Variants in RAD51AP2 observed in about 807,000 individuals in gnomAD.
The protein encoded by RAD51AP2 is RAD51-associated protein 2.
Under a neutral mutation model 85.5 loss-of-function variants are expected in RAD51AP2, and 67 were observed. That is an observed-to-expected ratio of 0.78 (90% CI 0.64 to 0.96). The LOEUF (loss-of-function observed/expected upper bound fraction) is 0.96, where lower values mean the gene tolerates loss of function less well. Among genes scored for constraint, RAD51AP2 ranks in the 40% least tolerant of loss-of-function variants. The pLI is 0.00. For synonymous variants in RAD51AP2, 474 were observed against 446.5 expected, an observed-to-expected ratio of 1.06 and a Z score of -0.78; for missense variants, 1,307 against 1,332.4, an observed-to-expected ratio of 0.98 and a Z score of 0.30.
rs1406603849 is a variant in RAD51AP2 at position 17,515,176 on chromosome 2, A to G, written c.3240T>C (p.Ser1080=). ...RSEEELLYST[S]EKDCETPLPK... The stretch of plus-strand genomic sequence containing the variant: ...CTAAAATGAATTTCATACCTTTCTC[A>G]GAAGTAGAGTAAAGTAATTCTTCCT... The change falls in exon 1 of 3, where the codon TCT becomes TCC. Residue 1080 remains serine, a synonymous_variant. Coordinates refer to ENST00000399080, the MANE Select transcript of RAD51AP2 (RefSeq NM_001099218.3). 1 of 1,563,616 alleles carries G rather than the reference A, an allele frequency of 6.4e-7. No individual in the cohort carries two copies. The highest frequency in any genetic ancestry group is 8.6e-7 in the Non-Finnish European group (1 of 1,161,110).
rs1315588054 is a variant in RAD51AP2 at position 17,516,477 on chromosome 2, A to C, written c.1939T>G (p.Leu647Val). The change falls in exon 1 of 3, where the codon TTA becomes GTA. Residue 647 changes from leucine (L) to valine (V), a missense_variant. Around this residue, in one of 3 missense-constraint regions of RAD51AP2, gnomAD observed 668 missense variants for 671.0 expected, o/e 1.00. Transcript: ENST00000399080. ...GTTCTAAATAACTTCCTTTTCTTTA[A>C]CATAGGTTTCATATTATCTTCTAAT... is the stretch of plus-strand genomic sequence containing the variant. Reference protein sequence around the residue: ...RLLEDNMKPMLKKRKLFRTEQ... With the variant: ...RLLEDNMKPMVKKRKLFRTEQ... The C allele has an allele frequency of 6.5e-7, 1 of 1,547,528 alleles. No individual in the cohort carries two copies. The highest frequency in any genetic ancestry group is 1.9e-5 in the Admixed American group (1 of 51,658).
chr2:17,537,628 G>C, the RAD51AP2 span, among the ~76,000 whole-genome samples: 1 of 152,012 alleles, frequency 6.6e-6, no homozygotes, highest in Non-Finnish European at 1.5e-5. Context: ...ATTACCAGGA[G>C]TTCCCAGGAC....
chr2:17,510,737 G>C lies in RAD51AP2; in HGVS notation c.*67C>G, dbSNP rs886283899. 1.5e-5 allele frequency: 17 copies of C among 1,141,286 alleles called. No individual in the cohort carries two copies. Among genetic ancestry groups the C allele is most frequent in the Non-Finnish European group, 1.9e-5 (16 of 842,560 alleles). 70.7% of individuals were successfully genotyped at this position (1,141,286 alleles called of 1,614,324 possible). A position where few individuals can be genotyped will look rare whatever the true frequency, so the allele number is the denominator to read the frequency against. On this transcript the variant is annotated 3_prime_UTR_variant, in exon 3 of 3. Transcript: ENST00000399080. The stretch of plus-strand genomic sequence containing the variant: ...AAAGCAAGCCCCAAACCCCCAAGCT[G>C]GAAGAACATATATCCAAAGAAAACA...
At chr2:17,524,833 G>A in the RAD51AP2 span, among the ~76,000 whole-genome samples, 1 of 151,842 alleles carries the variant, frequency 6.6e-6, no homozygotes, top group African/African-American at 2.4e-5. Context: ...TAAATGCTGT[G>A]AAAATTCGGG....
At position 17,516,096 on chromosome 2, in the gene RAD51AP2, T is replaced by A; in HGVS notation, c.2320A>T (p.Ile774Phe). ...ATGTGCTCACAGTCAAAGTTACTGA[T>A]CTTATTATGTCCCTGTTTTCTTTCC... ...NMERKQGHNK[I>F]SNFDCEHIFE... is the part of the protein sequence containing the mutation. The change falls in exon 1 of 3, where the codon ATC (isoleucine) becomes TTC (phenylalanine). Residue 774 changes from isoleucine (I) to phenylalanine (F), a missense_variant. Coordinates refer to ENST00000399080, the MANE Select transcript of RAD51AP2 (RefSeq NM_001099218.3). 6.2e-7 allele frequency: 1 copy of A among 1,612,384 alleles called. No individual in the cohort carries two copies. Among genetic ancestry groups the A allele is most frequent in the Non-Finnish European group, 8.5e-7 (1 of 1,179,464 alleles).
the RAD51AP2 span, among the ~76,000 whole-genome samples, chr2:17,526,094 T>G: frequency 6.6e-6 from 1 of 151,862 alleles, no homozygotes; most frequent in African/African-American, 2.4e-5. Context: ...AATGTATAAG[T>G]AATATAATGA....
the RAD51AP2 span, among the ~76,000 whole-genome samples, chr2:17,531,179 T>G: frequency 6.6e-6 from 1 of 152,218 alleles, no homozygotes; most frequent in Non-Finnish European, 1.5e-5. Flanking sequence ...ATGTGGTATG[T>G]GCAGCTGAAT....
chr2:17,514,019 C>A lies in RAD51AP2; in HGVS notation c.3321G>T (p.Leu1107Phe). Residue 1107 changes from leucine (L) to phenylalanine (F), a missense_variant, in exon 2 of 3, where the codon TTG (leucine) becomes TTT (phenylalanine). Leu to Phe is a conservative substitution (Grantham distance 22). Transcript: ENST00000399080. ...AAGTAACCACAATGTTACCTCCTCTCAATAAATAATTAAATTCTTCTTTAC... is the reference window on the plus strand; with the variant it reads ...AAGTAACCACAATGTTACCTCCTCTAAATAAATAATTAAATTCTTCTTTAC... ...DECKEEFNYL[L>F]RGGSHFPHGI... 1 of 1,530,882 alleles carries A rather than the reference C, an allele frequency of 6.5e-7. No individual in the cohort carries two copies. Among genetic ancestry groups the A allele is most frequent in the South Asian group, 1.1e-5 (1 of 88,180 alleles). The allele number at this position is 1,530,882 out of a possible 1,614,324, so 94.8% of individuals were successfully genotyped here.
the RAD51AP2 span, among the ~76,000 whole-genome samples, chr2:17,525,524 T>C: frequency 2.6e-5 from 4 of 152,062 alleles, no homozygotes; most frequent in Non-Finnish European, 5.9e-5. Context: ...TTCTCAAAGA[T>C]AATTATGCCC....
Position 17,510,947 on chromosome 2 carries a change from A to C in RAD51AP2, c.3337T>G (p.Phe1113Val), listed in dbSNP as rs1662475996. ...CGTACTCTTGAAATGCCATGTGGAAAGTGACTACCTAAAAATATAAGACAA... is the reference window on the plus strand; with the variant it reads ...CGTACTCTTGAAATGCCATGTGGAACGTGACTACCTAAAAATATAAGACAA... ...FNYLLRGGSH[F>V]PHGISRVRPL... is the part of the protein sequence containing the mutation. The change falls in exon 3 of 3, where the codon TTT (phenylalanine) becomes GTT (valine). Residue 1113 changes from phenylalanine to valine, a missense_variant. Physicochemically the swap from Phe to Val is conservative, Grantham distance 50. Coordinates refer to ENST00000399080, the MANE Select transcript of RAD51AP2 (RefSeq NM_001099218.3). 6.3e-7 allele frequency: 1 copy of C among 1,588,882 alleles called. No homozygotes were observed. Among genetic ancestry groups the C allele is most frequent in the Non-Finnish European group, 8.5e-7 (1 of 1,170,102 alleles).
At chr2:17,513,559 G>A (rs763250934) in intron 2 of RAD51AP2, among the ~76,000 whole-genome samples, 8 of 151,938 alleles carry the variant, frequency 5.3e-5, no homozygotes, top group East Asian at 1.9e-4. Context: ...TAATGTAATC[G>A]AAAGTATAAA....
Position 17,517,083 on chromosome 2 carries a change from C to T in RAD51AP2, c.1333G>A (p.Asp445Asn). The T allele has an allele frequency of 6.2e-7, 1 of 1,612,824 alleles. No homozygotes were observed. The highest frequency in any genetic ancestry group is 1.3e-5 in the African/African-American group (1 of 74,994). Residue 445 changes from aspartate to asparagine, a missense_variant, in exon 1 of 3, where the codon GAT (aspartate) becomes AAT (asparagine). Asp to Asn is a conservative substitution (Grantham distance 23). This residue lies in a region of RAD51AP2 where 635 missense variants were observed against 643.6 expected (regional missense o/e 0.99). Transcript: ENST00000399080. The part of the protein sequence containing the change: ...LLEIDLLSKE[D>N]YHCAKVINAY... Reference sequence around the variant, plus strand: ...TTGATGACTTTTGCACAGTGGTAATCTTCCTTGCTTAAAAGGTCTATTTCT... The same window carrying T: ...TTGATGACTTTTGCACAGTGGTAATTTTCCTTGCTTAAAAGGTCTATTTCT...
the RAD51AP2 span, among the ~76,000 whole-genome samples, chr2:17,531,983 T>C: frequency 1.2e-4 from 19 of 152,282 alleles, no homozygotes; most frequent in Admixed American, 8.5e-4. Context: ...GAAGCAGAGT[T>C]GGTTTTTGAA....
chr2:17,531,506 G>A, the RAD51AP2 span, among the ~76,000 whole-genome samples: 1 of 152,096 alleles, frequency 6.6e-6, no homozygotes, highest in African/African-American at 2.4e-5. Context: ...CTAAAAAATA[G>A]TCTATTAAAA....
At chr2:17,520,362 C>CA (rs1233752148), upstream of RAD51AP2, among the ~76,000 whole-genome samples, 1 of 151,676 alleles carries the variant, frequency 6.6e-6, no homozygotes, top group East Asian at 1.9e-4. Flanking sequence ...GTGAGAAATG[C>CA]AAAAAATTAT....
At position 17,516,564 on chromosome 2, in the gene RAD51AP2, G is replaced by A. The variant is rs754656436; in HGVS notation, c.1852C>T (p.Pro618Ser). The A allele has an allele frequency of 1.3e-5, 20 of 1,579,232 alleles. 1 individual carries two copies. The Admixed American group carries it at 3.5e-4, about 28-fold the overall frequency. Reference protein sequence around the residue: ...IFKCMLYLKYPKNIVENHTAY... With the variant: ...IFKCMLYLKYSKNIVENHTAY... Reference sequence around the variant, plus strand: ...GTATGATTTTCCACTATATTTTTTGGATACTTCAAATAAAGCATGCACTTG... The same window carrying A: ...GTATGATTTTCCACTATATTTTTTGAATACTTCAAATAAAGCATGCACTTG... Residue 618 changes from proline to serine, a missense_variant, in exon 1 of 3, where the codon CCA (proline) becomes TCA (serine). By Grantham distance (74) the Pro-to-Ser change is moderately conservative (BLOSUM62 -1). Transcript: ENST00000399080.
chr2:17,515,452 TAGA>T lies in RAD51AP2; in HGVS notation c.2961_2963del (p.Leu988del). ...GCCCATTGTTTGTTTCCACAGTGCT[TAGA>T]AGTTCATTTTCCCTACTAATTTCAT... On this transcript the variant is annotated inframe_deletion, in exon 1 of 3. Coordinates refer to ENST00000399080, the MANE Select transcript of RAD51AP2 (RefSeq NM_001099218.3). 1 of 1,613,650 alleles carries T rather than the reference TAGA, an allele frequency of 6.2e-7. No individual in the cohort carries two copies. Among genetic ancestry groups the T allele is most frequent in the South Asian group, 1.1e-5 (1 of 90,960 alleles).
At chr2:17,519,496 C>A (rs1371663110), upstream of RAD51AP2, among the ~76,000 whole-genome samples, 2 of 152,050 alleles carry the variant, frequency 1.3e-5, no homozygotes, top group Admixed American at 6.5e-5. Flanking sequence ...TTTATAATAA[C>A]TACAATAACA....
Position 17,516,951 on chromosome 2 carries a change from G to A in RAD51AP2, c.1465C>T (p.Leu489=). 1 of 1,599,574 alleles carries A rather than the reference G, an allele frequency of 6.3e-7. No individual in the cohort carries two copies. Among genetic ancestry groups the A allele is most frequent in the Non-Finnish European group, 8.5e-7 (1 of 1,175,760 alleles). Residue 489 remains leucine, a synonymous_variant, in exon 1 of 3, where the codon CTA becomes TTA. Coordinates refer to ENST00000399080, the MANE Select transcript of RAD51AP2 (RefSeq NM_001099218.3). The stretch of plus-strand genomic sequence containing the variant: ...TGTGTAGTATTGTATCTCAACTGTA[G>A]AGTATTATCATTTTCTCCTTTACCA... ...LNGKGENDNT[L]QLRYNTTQKV...
Sources: allele counts gnomAD v4.1 joint callset (sites outside exome capture counted in the v4.1 genomes callset), GRCh38; gene constraint gnomAD v4.1.1; regional missense constraint gnomAD v4.1.1; transcripts MANE v1.5; gene names NCBI Gene and HGNC (gene_info 2026-07-23, HGNC 2026-07-21).